COL6A6: variants seen among roughly 807,000 people sequenced by gnomAD.
The protein encoded by COL6A6 is collagen type VI alpha 6 chain.
A neutral mutation model predicts 208.6 loss-of-function variants in COL6A6; 183 were observed. That is an observed-to-expected ratio of 0.88 (90% CI 0.78 to 0.99). The LOEUF is 0.99. Ranked by LOEUF, COL6A6 falls within the 50% of genes least tolerant of loss-of-function variation. The probability of loss-of-function intolerance (pLI) is 0.00; values close to 1 mark genes in which losing one functional copy is unlikely to be tolerated. For missense variants in COL6A6, 2,816 were observed against 2,815.2 expected (o/e 1.00, Z -0.01); for synonymous variants, 973 against 1,011.8 (o/e 0.96, Z 0.73).
intron 10 of COL6A6, among the ~76,000 whole-genome samples, chr3:130,582,610 C>G (rs753976081): frequency 1.6e-4 from 25 of 152,184 alleles, no homozygotes; most frequent in African/African-American, 5.8e-4. Flanking sequence ...GCTTTTGAAC[C>G]AAAAGCTATT....
chr3:130,625,604 C>T (rs80066796), intron 24 of COL6A6, among the ~76,000 whole-genome samples: 4,611 of 152,224 alleles, frequency 0.03, 258 homozygotes, highest in African/African-American at 0.1. Context: ...TACAGACTGC[C>T]TGGCCAATAC....
intron 1 of COL6A6, among the ~76,000 whole-genome samples, chr3:130,539,278 G>A (rs1176749825): frequency 6.6e-6 from 1 of 152,210 alleles, no homozygotes; most frequent in Non-Finnish European, 1.5e-5. Flanking sequence ...AATTTTTGGT[G>A]AACAACTAAG....
rs201388535 is a variant in COL6A6 at position 130,665,099 on chromosome 3, A to G, written c.6596+3A>G. ...CAGCCCCCACGACCATTCCGAAGGT[A>G]CTGTCTGTTTGGTGTTACTTGATAA... On this transcript the variant is annotated splice_donor_region_variant and intron_variant, in intron 36 of 36. Transcript: ENST00000358511. 5.0e-6 allele frequency: 8 copies of G among 1,598,904 alleles called. No individual in the cohort carries two copies. In the African/African-American group the frequency reaches 8.0e-5, roughly 16 times the overall value.
At chr3:130,580,476 G>A (rs1371911374) in intron 8 of COL6A6, among the ~76,000 whole-genome samples, 1 of 152,186 alleles carries the variant, frequency 6.6e-6, no homozygotes, top group African/African-American at 2.4e-5. Flanking sequence ...TGAAATTGAT[G>A]ATTTTGGTTT....
At chr3:130,612,564 A>G (rs557317624) in intron 23 of COL6A6, among the ~76,000 whole-genome samples, 3 of 152,296 alleles carry the variant, frequency 2.0e-5, no homozygotes, top group Admixed American at 2.0e-4. Context: ...AACACTACAA[A>G]AAATATAAGT....
chr3:130,649,297 A>G lies in COL6A6; in HGVS notation c.5468A>G (p.Gln1823Arg). Residue 1823 changes from glutamine to arginine, a missense_variant, in exon 33 of 37, where the codon CAA becomes CGA. By Grantham distance (43) the Gln-to-Arg change is conservative. Coordinates refer to ENST00000358511, the MANE Select transcript of COL6A6 (RefSeq NM_001102608.3). Reference sequence around the variant, plus strand: ...TTCTCAGACGCCTACAAGAAGAGTCAACTTCTCAGAGAAATTGAAACTATT... The same window carrying G: ...TTCTCAGACGCCTACAAGAAGAGTCGACTTCTCAGAGAAATTGAAACTATT... ...VRFSDAYKKS[Q>R]LLREIETIPY... 6.2e-7 allele frequency: 1 copy of G among 1,606,266 alleles called. No homozygotes were observed. The highest frequency in any genetic ancestry group is 1.1e-5 in the South Asian group (1 of 89,142).
chr3:130,561,281 T>TA (rs2062875907), intron 2 of COL6A6, among the ~76,000 whole-genome samples: 1 of 152,178 alleles, frequency 6.6e-6, no homozygotes, highest in South Asian at 2.1e-4. Context: ...ACGGCAGGGC[T>TA]CCCCTGGCAG....
At position 130,563,069 on chromosome 3, in the gene COL6A6, C is replaced by A. The variant is rs544374010; in HGVS notation, c.66C>A (p.Gly22=). The change falls in exon 3 of 37, where the codon GGC becomes GGA. Residue 22 remains glycine (G), a splice_region_variant and synonymous_variant. Transcript: ENST00000358511. ...GTTCATATGTTTGTGGTTTTGCAGG[C>A]CCTGAGTATGCAGATGTTGTGTTTT... ...CSHISVNQDS[G]PEYADVVFLV... 2 of 1,602,946 alleles carry A rather than the reference C, an allele frequency of 1.2e-6. No individual in the cohort carries two copies. The highest frequency in any genetic ancestry group is 2.2e-5 in the East Asian group (1 of 44,734).
chr3:130,611,300 G>C (rs978412667), intron 23 of COL6A6, among the ~76,000 whole-genome samples: 2 of 152,224 alleles, frequency 1.3e-5, no homozygotes, highest in African/African-American at 4.8e-5. Context: ...CGGATTCTGA[G>C]TCAGCAGGTC....
intron 28 of COL6A6, among the ~76,000 whole-genome samples, chr3:130,639,588 G>C (rs2065252890): frequency 6.6e-6 from 1 of 151,952 alleles, no homozygotes; most frequent in Admixed American, 6.6e-5. Context: ...AGCTACCAGG[G>C]GGCTGAGGTG....
chr3:130,527,041 A>C (rs1438878452), intron 1 of COL6A6, among the ~76,000 whole-genome samples: 3 of 152,212 alleles, frequency 2.0e-5, no homozygotes, highest in Admixed American at 2.0e-4. Flanking sequence ...ATGTCTCTAC[A>C]TTCCTCTTTT....
chr3:130,619,167 T>C (rs1363217682), intron 23 of COL6A6, among the ~76,000 whole-genome samples: 1 of 152,140 alleles, frequency 6.6e-6, no homozygotes, highest in Admixed American at 6.6e-5. Context: ...AAGTATACAG[T>C]CTAGTCTCTA....
At position 130,621,892 on chromosome 3, in the gene COL6A6, C is replaced by T; in HGVS notation, c.4878+9C>T. The T allele has an allele frequency of 1.2e-6, 2 of 1,610,598 alleles. No individual in the cohort carries two copies. The highest frequency in any genetic ancestry group is 3.3e-4 in the Middle Eastern group (2 of 6,052). ...GAAGCCAAGGAAATAAAGTAGGTCA[C>T]ATTCTTTATACTCACCAAAGTTGAG... On this transcript the variant is annotated intron_variant, in intron 24 of 36. Coordinates refer to ENST00000358511, the MANE Select transcript of COL6A6 (RefSeq NM_001102608.3).
At chr3:130,628,070 G>C (rs1255163775) in intron 26 of COL6A6, among the ~76,000 whole-genome samples, 9 of 152,150 alleles carry the variant, frequency 5.9e-5, no homozygotes, top group Non-Finnish European at 1.5e-5. Flanking sequence ...TTGTTGGAAA[G>C]TCTAAAATAT....
intron 34 of COL6A6, 135 bp downstream of exon 34, chr3:130,658,907 C>G (rs984203041): frequency 9.6e-6 from 6 of 627,564 alleles, no homozygotes; most frequent in African/African-American, 9.2e-5. Context: ...CTGGGCCCAC[C>G]CTGTCACACT....
At chr3:130,615,437 T>C (rs1400808063) in intron 23 of COL6A6, among the ~76,000 whole-genome samples, 3 of 152,234 alleles carry the variant, frequency 2.0e-5, no homozygotes, top group Non-Finnish European at 4.4e-5. Flanking sequence ...GAGAGTTCTC[T>C]ATATGTCTAT....
intron 1 of COL6A6, among the ~76,000 whole-genome samples, chr3:130,531,415 A>G (rs1427210627): frequency 2.6e-5 from 4 of 152,168 alleles, no homozygotes; most frequent in African/African-American, 9.7e-5. Context: ...GAAAATCTCC[A>G]GGTGAGAACA....
At chr3:130,609,463 C>T (rs906301420) in intron 22 of COL6A6, among the ~76,000 whole-genome samples, 6 of 152,168 alleles carry the variant, frequency 3.9e-5, no homozygotes, top group Non-Finnish European at 8.8e-5. Context: ...ACCTCCGGCA[C>T]TTTTTCCTTT....
intron 35 of COL6A6, among the ~76,000 whole-genome samples, chr3:130,664,302 T>C (rs1178216965): frequency 6.6e-6 from 1 of 152,166 alleles, no homozygotes. Context: ...GCACACAGTC[T>C]TACTTAGAAC....
Sources: allele counts gnomAD v4.1 joint callset (sites outside exome capture counted in the v4.1 genomes callset), GRCh38; gene constraint gnomAD v4.1.1; transcripts MANE v1.5; gene names NCBI Gene and HGNC (gene_info 2026-07-23, HGNC 2026-07-21).